FAM169A: variants seen among roughly 807,000 people sequenced by gnomAD.
FAM169A encodes the protein soluble lamin-associated protein of 75 kDa.
A neutral mutation model predicts 75.7 loss-of-function variants in FAM169A; 24 were observed. The observed-to-expected ratio is 0.32, with a 90% CI of 0.23 to 0.45. The LOEUF (loss-of-function observed/expected upper bound fraction) is 0.45. Ranked by LOEUF, FAM169A falls within the 20% of genes least tolerant of loss-of-function variation. FAM169A has a pLI of 1.00. For synonymous variants in FAM169A, 271 were observed against 271.0 expected (o/e 1.00, Z 0.00); for missense variants, 673 against 784.0 (o/e 0.86, Z 1.69).
intron 5 of FAM169A, among the ~76,000 whole-genome samples, chr5:74,822,318 T>C (rs1747803819): frequency 6.6e-6 from 1 of 152,180 alleles, no homozygotes. Flanking sequence ...CATTATTTTG[T>C]AAAGAACTAG....
intron 5 of FAM169A, among the ~76,000 whole-genome samples, chr5:74,822,636 AAC>A (rs1336116491): frequency 6.6e-6 from 1 of 152,136 alleles, no homozygotes; most frequent in Non-Finnish European, 1.5e-5. Context: ...CACTTTATAC[AAC>A]AGTTTTGACT....
chr5:74,796,370 T>A (rs187284797), intron 10 of FAM169A, among the ~76,000 whole-genome samples, 184 bp from the exon 11 acceptor site: 169 of 152,186 alleles, frequency 1.1e-3, no homozygotes, highest in African/African-American at 3.9e-3. Context: ...TTATGTAAAC[T>A]AGACCCTTCT....
chr5:74,804,732 G>C (rs1746774945), intron 7 of FAM169A, 127 bp from the exon 8 acceptor site: 1 of 542,260 alleles, frequency 1.8e-6, no homozygotes, highest in African/African-American at 1.9e-5. Context: ...ATCTAGGTGT[G>C]AGATGTTCTC....
At chr5:74,827,176 TTC>T (rs1439804846) in intron 5 of FAM169A, among the ~76,000 whole-genome samples, 1 of 152,204 alleles carries the variant, frequency 6.6e-6, no homozygotes, top group East Asian at 1.9e-4. Context: ...CCTGCCAGGT[TTC>T]TCTGTGTAAA....
Position 74,842,058 on chromosome 5 carries a change from A to C in FAM169A, c.-3-379T>G, listed in dbSNP as rs534659384. Among the ~76,000 whole-genome samples the C allele has an allele frequency of 4.6e-5, 7 of 152,224 alleles. No homozygotes were observed. The East Asian group carries it at 1.2e-3, about 25-fold the overall frequency. The stretch of plus-strand genomic sequence containing the variant: ...AAGGACACGAGAACTTGTTGGAATA[A>C]TGAAAATGTTCTACAATTGGATTGT... On this transcript the variant is annotated intron_variant, in intron 1 of 12. Coordinates refer to ENST00000687041, the MANE Select transcript of FAM169A (RefSeq NM_001376049.1).
intron 1 of FAM169A, among the ~76,000 whole-genome samples, chr5:74,858,599 G>A (rs548382381): frequency 3.9e-5 from 6 of 152,188 alleles, no homozygotes; most frequent in African/African-American, 1.4e-4. Context: ...GAGGGTGGGA[G>A]GAGTGTAAGG....
chr5:74,825,370 T>C (rs967525301), intron 5 of FAM169A, among the ~76,000 whole-genome samples: 2 of 152,188 alleles, frequency 1.3e-5, no homozygotes, highest in Non-Finnish European at 2.9e-5. Context: ...TAGTCACATG[T>C]GGCCATTGAG....
chr5:74,833,369 T>C (rs1580140924), intron 5 of FAM169A, among the ~76,000 whole-genome samples: 1 of 152,328 alleles, frequency 6.6e-6, no homozygotes, highest in East Asian at 1.9e-4. Context: ...AGTATTTTTC[T>C]GAAGTTACAA....
chr5:74,835,766 A>C (rs1748542704), intron 4 of FAM169A, among the ~76,000 whole-genome samples: 1 of 152,206 alleles, frequency 6.6e-6, no homozygotes, highest in Non-Finnish European at 1.5e-5. Flanking sequence ...CATAACAAAC[A>C]TAGGAAATAG....
chr5:74,855,569 G>A (rs372412029), intron 1 of FAM169A, among the ~76,000 whole-genome samples: 15 of 152,074 alleles, frequency 9.9e-5, no homozygotes, highest in African/African-American at 1.9e-4. Flanking sequence ...CCAGTTTGCC[G>A]TTTGTATGTC....
chr5:74,837,734 T>G (rs1255064958), intron 4 of FAM169A, among the ~76,000 whole-genome samples: 1 of 152,168 alleles, frequency 6.6e-6, no homozygotes, highest in Non-Finnish European at 1.5e-5. Context: ...GCTGGAACCC[T>G]GCGAATCTGA....
intron 1 of FAM169A, among the ~76,000 whole-genome samples, chr5:74,842,649 G>C (rs892386930): frequency 2.0e-5 from 3 of 149,578 alleles, no homozygotes; most frequent in Admixed American, 6.7e-5. Context: ...CTTCTGCCTT[G>C]ACCTCCCAAA....
chr5:74,820,973 T>C (rs564982264), intron 5 of FAM169A, among the ~76,000 whole-genome samples: 2 of 152,318 alleles, frequency 1.3e-5, no homozygotes, highest in South Asian at 4.1e-4. Context: ...TTTCAGCTCT[T>C]TGCCTGAAAA....
At chr5:74,850,706 T>C (rs1561324758) in intron 1 of FAM169A, among the ~76,000 whole-genome samples, 1 of 152,134 alleles carries the variant, frequency 6.6e-6, no homozygotes, top group African/African-American at 2.4e-5. Context: ...ATCAAAACTT[T>C]TGCATCTAAA....
intron 5 of FAM169A, among the ~76,000 whole-genome samples, chr5:74,829,920 C>T (rs1454621076): frequency 6.6e-6 from 1 of 152,052 alleles, no homozygotes; most frequent in Non-Finnish European, 1.5e-5. Context: ...TTGAAGTTAG[C>T]CGAGGTCGTG....
At chr5:74,866,780 T>C (rs1165436459), upstream of FAM169A, 1 of 985,584 alleles carries the variant, frequency 1.0e-6, no homozygotes, top group Non-Finnish European at 1.2e-6. Context: ...CATAGCCCGG[T>C]GGAGTTCTCC....
intron 11 of FAM169A, among the ~76,000 whole-genome samples, chr5:74,787,679 G>C (rs1745763846): frequency 6.6e-6 from 1 of 152,176 alleles, no homozygotes; most frequent in African/African-American, 2.4e-5. Context: ...ACCATCAAAT[G>C]CAAGGTGGGC....
rs1262334520 is a variant in FAM169A, at chr5:74,783,510, A to G, written c.1261-376T>C. On this transcript the variant is annotated intron_variant, in intron 11 of 12. Transcript: ENST00000687041. Reference sequence around the variant, plus strand: ...AGGAAAAAGGCACCAGACAGAGTATAGACTTGATGCTAGCTCTTTACATAA... The same window carrying G: ...AGGAAAAAGGCACCAGACAGAGTATGGACTTGATGCTAGCTCTTTACATAA... 2.0e-5 allele frequency among the ~76,000 whole-genome samples: 3 copies of G among 152,224 alleles called. No individual in the cohort carries two copies. In the East Asian group the frequency reaches 5.8e-4, roughly 29 times the overall value.
intron 5 of FAM169A, among the ~76,000 whole-genome samples, chr5:74,827,805 G>C (rs933721445): frequency 2.6e-5 from 4 of 151,522 alleles, no homozygotes; most frequent in Non-Finnish European, 5.9e-5. Flanking sequence ...TGGAATTACA[G>C]GAACCCGCCA....
Sources: allele counts gnomAD v4.1 joint callset (sites outside exome capture counted in the v4.1 genomes callset), GRCh38; gene constraint gnomAD v4.1.1; transcripts MANE v1.5; gene names NCBI Gene and HGNC (gene_info 2026-07-23, HGNC 2026-07-21).